The following DST variants were observed in gnomAD, a reference collection of about 807,000 sequenced individuals.
The protein encoded by DST is dystonin.
Under a neutral mutation model 875.2 loss-of-function variants are expected in DST, and 253 were observed. The ratio of observed to expected loss-of-function variants is 0.29; its 90% confidence interval spans 0.26 to 0.32. DST has a LOEUF of 0.32. DST is among the 10% of genes least tolerant of loss of function. The pLI, the probability that DST is intolerant of heterozygous loss-of-function variation, is 1.00. For missense variants in DST, 8,287 were observed against 9,111.6 expected (o/e 0.91, Z 3.68); for synonymous variants, 3,124 against 3,197.1 (o/e 0.98, Z 0.77).
intron 3 of DST, among the ~76,000 whole-genome samples, chr6:56,891,298 C>T (rs1268748573): frequency 6.6e-6 from 1 of 152,150 alleles, no homozygotes; most frequent in East Asian, 1.9e-4. Context: ...TGTGGTGGCT[C>T]ATGCCTATAA....
At chr6:56,823,938 C>T (rs1026706768) in intron 4 of DST, among the ~76,000 whole-genome samples, 2 of 152,170 alleles carry the variant, frequency 1.3e-5, no homozygotes, top group African/African-American at 4.8e-5. Context: ...ATATGCCAAG[C>T]ACCATGATAA....
intron 50 of DST, among the ~76,000 whole-genome samples, chr6:56,575,802 T>C (rs2097854751): frequency 1.3e-5 from 2 of 152,174 alleles, no homozygotes; most frequent in Admixed American, 6.5e-5. Context: ...CCTCAGTTCC[T>C]GACATAGAGC....
rs184935769 is a variant in DST, at chr6:56,663,559, C to A, written c.1214+7082G>T. ...TTTCAAACCCTAAAGGGCCTCCTCC[C>A]GGTATTAAACCAGTCCAATCCAGTT... On this transcript the variant is annotated intron_variant, in intron 10 of 103. Coordinates refer to ENST00000680361, the MANE Select transcript of DST (RefSeq NM_001374736.1). Among the ~76,000 whole-genome samples the A allele has an allele frequency of 2.0e-3, 312 of 152,312 alleles. 3 individuals carry two copies. The highest frequency in any genetic ancestry group is 1.7e-3 in the Non-Finnish European group (118 of 68,038).
intron 98 of DST, among the ~76,000 whole-genome samples, chr6:56,468,281 G>C (rs903091658): frequency 3.9e-5 from 6 of 152,012 alleles, no homozygotes; most frequent in Non-Finnish European, 8.8e-5. Context: ...TGACTTAAAT[G>C]TCAACATAAA....
At chr6:56,719,772 T>C (rs1376624054) in intron 5 of DST, among the ~76,000 whole-genome samples, 1 of 152,186 alleles carries the variant, frequency 6.6e-6, no homozygotes, top group African/African-American at 2.4e-5. Flanking sequence ...AGACATCACA[T>C]GTCGGTAGGT....
chr6:56,482,425 G>A, intron 89 of DST: 1 of 517,694 alleles, frequency 1.9e-6, no homozygotes, highest in Non-Finnish European at 3.2e-6. Flanking sequence ...TAGATGAATG[G>A]CAGTCCATCA....
intron 5 of DST, among the ~76,000 whole-genome samples, chr6:56,721,907 A>G (rs2152912946): frequency 6.6e-6 from 1 of 152,314 alleles, no homozygotes; most frequent in African/African-American, 2.4e-5. Flanking sequence ...AACTTTTTCA[A>G]TACAGGGCCA....
At chr6:56,548,380 A>C (rs896572841) in intron 61 of DST, among the ~76,000 whole-genome samples, 2 of 152,230 alleles carry the variant, frequency 1.3e-5, no homozygotes, top group African/African-American at 4.8e-5. Flanking sequence ...TTTGATTTTC[A>C]TTGAAATTAA....
chr6:56,594,448 C>A (rs1384827699), intron 47 of DST, among the ~76,000 whole-genome samples: 3 of 152,112 alleles, frequency 2.0e-5, no homozygotes, highest in Non-Finnish European at 4.4e-5. Flanking sequence ...AGGACAGACA[C>A]CATTTTTCAG....
chr6:56,637,339 T>C (rs1467604592), intron 22 of DST, among the ~76,000 whole-genome samples: 2 of 152,216 alleles, frequency 1.3e-5, no homozygotes, highest in Non-Finnish European at 2.9e-5. Flanking sequence ...CCCTCCTGTT[T>C]ACAAAACCAA....
intron 4 of DST, among the ~76,000 whole-genome samples, chr6:56,830,424 C>G (rs2099785622): frequency 1.3e-5 from 2 of 152,134 alleles, no homozygotes; most frequent in Admixed American, 1.3e-4. Flanking sequence ...CAGATTTTTA[C>G]TCATTTTGTC....
At chr6:56,464,833 A>C in intron 99 of DST, 77 bp from the exon 100 acceptor site, 1 of 1,124,558 alleles carries the variant, frequency 8.9e-7, no homozygotes, top group Non-Finnish European at 1.3e-6. Flanking sequence ...ACAGTAGTTG[A>C]ATATGCAAAG....
intron 72 of DST, among the ~76,000 whole-genome samples, chr6:56,512,890 C>T (rs887723908): frequency 1.2e-4 from 19 of 152,098 alleles, no homozygotes; most frequent in African/African-American, 3.9e-4. Context: ...TGTGGGAGGG[C>T]CATGTTTGCA....
At chr6:56,592,048 T>C (rs1157750027) in intron 49 of DST, 134 bp downstream of exon 49, 1 of 675,020 alleles carries the variant, frequency 1.5e-6, no homozygotes, top group Non-Finnish European at 2.5e-6. Context: ...GAGTCAAAAC[T>C]ACCTCTGGAG....
At chr6:56,498,108 C>A in intron 80 of DST, 55 bp from the exon 81 acceptor site, 1 of 1,474,574 alleles carries the variant, frequency 6.8e-7, no homozygotes, top group Non-Finnish European at 9.3e-7. Context: ...TTAATATCAT[C>A]TTTAATGCAA....
At chr6:56,870,637 C>G (rs1776625272) in intron 3 of DST, among the ~76,000 whole-genome samples, 3 of 151,934 alleles carry the variant, frequency 2.0e-5, no homozygotes, top group Non-Finnish European at 4.4e-5. Flanking sequence ...GTGGCAGGCA[C>G]CTGTAATCCC....
chr6:56,715,285 G>A (rs1167867165), intron 5 of DST, among the ~76,000 whole-genome samples: 2 of 152,204 alleles, frequency 1.3e-5, no homozygotes, highest in Non-Finnish European at 2.9e-5. Flanking sequence ...CTGGCATCAT[G>A]TTCTGCCACA....
At position 56,459,074 on chromosome 6, in the gene DST, C is replaced by A; in HGVS notation, c.23388G>T (p.Lys7796Asn). 2 of 1,613,990 alleles carry A rather than the reference C, an allele frequency of 1.2e-6. No individual in the cohort carries two copies. Among genetic ancestry groups the A allele is most frequent in the Non-Finnish European group, 1.7e-6 (2 of 1,179,880 alleles). The change falls in exon 104 of 104, where the codon AAG (lysine) becomes AAT (asparagine). Residue 7796 changes from lysine to asparagine, a missense_variant. Physicochemically the swap from Lys to Asn is moderately conservative, Grantham distance 94. Around this residue, in one of 10 missense-constraint regions of DST, gnomAD observed 240 missense variants for 237.3 expected, o/e 1.01. Transcript: ENST00000680361. ...PRAGSRPSTAKPSKIPTPQRK... is the reference protein window; with the variant it reads ...PRAGSRPSTANPSKIPTPQRK... The stretch of plus-strand genomic sequence containing the variant: ...TCTGGGGCGTGGGGATTTTTGAAGG[C>A]TTCGCTGTGGATGGCCGAGAACCTG...
At chr6:56,918,238 T>C (rs1802306917) in intron 2 of DST, among the ~76,000 whole-genome samples, 1 of 152,112 alleles carries the variant, frequency 6.6e-6, no homozygotes, top group Admixed American at 6.6e-5. Context: ...GTGATTCTCC[T>C]GCCTCAACCT....
Sources: gnomAD v4.1 joint callset for allele counts (sites outside exome capture counted in the v4.1 genomes callset) on GRCh38, gnomAD v4.1.1 for gene constraint, gnomAD v4.1.1 regional missense constraint, MANE v1.5 for transcripts, NCBI Gene and HGNC (gene_info 2026-07-23, HGNC 2026-07-21) for gene names.